The following ZNF619 variants were observed in gnomAD, a reference collection of about 807,000 sequenced individuals.
ZNF619 encodes zinc finger protein 619.
Under a neutral mutation model 14.2 loss-of-function variants are expected in ZNF619, and 9 were observed. That is an observed-to-expected ratio of 0.64 (90% CI 0.38 to 1.11). The LOEUF (loss-of-function observed/expected upper bound fraction) is 1.11, where lower values mean the gene tolerates loss of function less well. Among genes scored for constraint, ZNF619 ranks in the 50% least tolerant of loss-of-function variants. The pLI, the probability that ZNF619 is intolerant of heterozygous loss-of-function variation, is 0.01. For synonymous variants in ZNF619, 246 were observed against 252.8 expected (o/e 0.97, Z 0.26); for missense variants, 659 against 680.1 (o/e 0.97, Z 0.34).
At chr3:40,483,917 T>C (rs13318770) in intron 4 of ZNF619, among the ~76,000 whole-genome samples, 52,979 of 151,920 alleles carry the variant, frequency 0.35, 9,387 homozygotes, top group East Asian at 0.47. Context: ...TGTGAGCTAC[T>C]GCACTTGGCC....
rs1461701118 is a variant in ZNF619, at chr3:40,487,601, G to T, written c.1091G>T (p.Arg364Ile). The part of the protein sequence containing the change: ...SSNSVLIQHQ[R>I]IHTGEKPYEC... ...AATTCAGTTCTGATTCAGCATCAGA[G>T]AATCCACACTGGGGAGAAACCTTAT... The change falls in exon 5 of 5, where the codon AGA becomes ATA. Residue 364 changes from arginine to isoleucine, a missense_variant. Physicochemically the swap from Arg to Ile is moderately conservative, Grantham distance 97. Coordinates refer to ENST00000432264, the MANE Select transcript of ZNF619 (RefSeq NM_001145093.4). 6.2e-7 allele frequency: 1 copy of T among 1,614,170 alleles called. No homozygotes were observed. Among genetic ancestry groups the T allele is most frequent in the South Asian group, 1.1e-5 (1 of 91,080 alleles).
chr3:40,485,566 G>C (rs1399691226), intron 4 of ZNF619, among the ~76,000 whole-genome samples: 1 of 152,160 alleles, frequency 6.6e-6, no homozygotes, highest in East Asian at 1.9e-4. Flanking sequence ...GCCTCCCAAA[G>C]TGCTGGGATT....
intron 2 of ZNF619, 41 bp downstream of exon 2, chr3:40,478,044 A>G: frequency 6.5e-7 from 1 of 1,542,180 alleles, no homozygotes; most frequent in Non-Finnish European, 8.8e-7. Context: ...CTCAGAACAG[A>G]TATGGAAGGT....
intron 3 of ZNF619, 195 bp downstream of exon 3, chr3:40,482,211 T>C: frequency 6.4e-7 from 1 of 1,550,388 alleles, no homozygotes; most frequent in South Asian, 1.2e-5. Context: ...ACTTTTCTCT[T>C]CCCTGGTTCC....
chr3:40,481,709 A>G (rs1362678737), intron 2 of ZNF619, among the ~76,000 whole-genome samples, 154 bp from the exon 3 acceptor site: 1 of 152,240 alleles, frequency 6.6e-6, no homozygotes, highest in Non-Finnish European at 1.5e-5. Context: ...AGGTATGCAC[A>G]TGGAAAGTTG....
chr3:40,487,885 A>T lies in ZNF619; in HGVS notation c.1375A>T (p.Lys459Ter), dbSNP rs772752270. 2 of 1,614,084 alleles carry T rather than the reference A, an allele frequency of 1.2e-6. No individual in the cohort carries two copies. The highest frequency in any genetic ancestry group is 4.5e-5 in the East Asian group (2 of 44,896). ...VHTGEKPYEC[K>*]ECGKAFRWNA... ...CACTGGGGAGAAACCTTATGAGTGT[A>T]AGGAGTGCGGGAAAGCCTTCAGATG... The change falls in exon 5 of 5, where the codon AAG (lysine) becomes TAG (stop). Residue 459 changes from lysine (K) to a stop codon, truncating the protein, a stop_gained. Coordinates refer to ENST00000432264, the MANE Select transcript of ZNF619 (RefSeq NM_001145093.4). LOFTEE classifies it low-confidence loss of function (END_TRUNC).
intron 2 of ZNF619, 55 bp from the exon 3 acceptor site, chr3:40,481,808 C>A (rs1697402596): frequency 1.3e-6 from 2 of 1,557,316 alleles, no homozygotes; most frequent in South Asian, 1.2e-5. Flanking sequence ...GCCATGGATT[C>A]CAGTAAATTT....
At chr3:40,482,786 C>T (rs1697450626) in intron 4 of ZNF619, 82 bp downstream of exon 4, 2 of 1,067,016 alleles carry the variant, frequency 1.9e-6, no homozygotes, top group Non-Finnish European at 2.7e-6. Context: ...AAGGTTTTTC[C>T]TTGTCATATG....
chr3:40,485,580 G>C (rs1245485120), intron 4 of ZNF619, among the ~76,000 whole-genome samples: 3 of 152,144 alleles, frequency 2.0e-5, no homozygotes, highest in Non-Finnish European at 1.5e-5. Flanking sequence ...TGGGATTACA[G>C]GCATGAGCCA....
At chr3:40,483,504 T>A in intron 4 of ZNF619, 1 of 371,528 alleles carries the variant, frequency 2.7e-6, no homozygotes, top group Non-Finnish European at 5.3e-6. Context: ...CTGGCCAGGC[T>A]GGTCTCGAAC....
chr3:40,486,953 T>C lies in ZNF619; in HGVS notation c.443T>C (p.Leu148Pro), dbSNP rs1015220941. ...DFKDRLEKSQ[L>P]HDTGNKTKIG... Reference sequence around the variant, plus strand: ...AAGGACAGGTTAGAGAAGTCACAGCTACATGATACAGGGAATAAAACAAAG... The same window carrying C: ...AAGGACAGGTTAGAGAAGTCACAGCCACATGATACAGGGAATAAAACAAAG... Residue 148 changes from leucine (L) to proline (P), a missense_variant, in exon 5 of 5, where the codon CTA becomes CCA. Transcript: ENST00000432264. 1.2e-6 allele frequency: 2 copies of C among 1,614,178 alleles called. No individual in the cohort carries two copies. The highest frequency in any genetic ancestry group is 1.7e-5 in the Admixed American group (1 of 60,018).
chr3:40,481,756 T>C, intron 2 of ZNF619, 107 bp from the exon 3 acceptor site: 4 of 1,445,434 alleles, frequency 2.8e-6, no homozygotes, highest in Non-Finnish European at 1.9e-6. Flanking sequence ...TGGGGTCCTG[T>C]GTGGCTCTCC....
At chr3:40,482,787 T>G in intron 4 of ZNF619, 83 bp downstream of exon 4, 2 of 1,048,694 alleles carry the variant, frequency 1.9e-6, no homozygotes, top group Non-Finnish European at 2.8e-6. Context: ...AGGTTTTTCC[T>G]TGTCATATGA....
chr3:40,482,344 C>T (rs1697431415), intron 3 of ZNF619: 1 of 1,555,884 alleles, frequency 6.4e-7, no homozygotes, highest in South Asian at 1.2e-5. Context: ...GCCCTATTGC[C>T]TATGTGTGAG....
chr3:40,488,243 C>T lies in ZNF619; in HGVS notation c.*2C>T, dbSNP rs1220985974. The T allele has an allele frequency of 2.8e-6, 4 of 1,441,732 alleles. No homozygotes were observed. The African/African-American group carries it at 4.2e-5, about 15-fold the overall frequency. The allele number at this position is 1,441,732 out of a possible 1,614,324, so 89.3% of individuals were successfully genotyped here. On this transcript the variant is annotated 3_prime_UTR_variant, in exon 5 of 5. Transcript: ENST00000432264. ...AATCCTTTGTCTCACTCCCTGTAAG[C>T]CCCGTCACGTTCTCAAAATCCTTTG...
chr3:40,483,252 C>G (rs1575267117), intron 4 of ZNF619, among the ~76,000 whole-genome samples: 2 of 151,560 alleles, frequency 1.3e-5, no homozygotes, highest in African/African-American at 4.8e-5. Flanking sequence ...GGTTCGTCAG[C>G]TCAGGAATAT....
chr3:40,487,486 A>G lies in ZNF619; in HGVS notation c.976A>G (p.Ser326Gly). The G allele has an allele frequency of 1.9e-6, 3 of 1,614,180 alleles. 1 individual carries two copies. Among genetic ancestry groups the G allele is most frequent in the Non-Finnish European group, 2.5e-6 (3 of 1,180,008 alleles). ...FKCKECGKAF[S>G]CSYDCIIHER... Reference sequence around the variant, plus strand: ...ATGTAAGGAATGTGGGAAAGCCTTCAGTTGTAGCTATGACTGCATCATCCA... The same window carrying G: ...ATGTAAGGAATGTGGGAAAGCCTTCGGTTGTAGCTATGACTGCATCATCCA... Residue 326 changes from serine to glycine, a missense_variant, in exon 5 of 5, where the codon AGT becomes GGT. Ser to Gly is a moderately conservative substitution (Grantham distance 56). Coordinates refer to ENST00000432264, the MANE Select transcript of ZNF619 (RefSeq NM_001145093.4).
At position 40,487,527 on chromosome 3, in the gene ZNF619, T is replaced by G; in HGVS notation, c.1017T>G (p.Asn339Lys). The change falls in exon 5 of 5, where the codon AAT (asparagine) becomes AAG (lysine). Residue 339 changes from asparagine to lysine, a missense_variant. Asn to Lys is a moderately conservative substitution (Grantham distance 94). Transcript: ENST00000432264. Reference sequence around the variant, plus strand: ...GCATCATCCATGAACGAATTCACAATGGGGAGAAGCCCTATGAATGTAAGG... The same window carrying G: ...GCATCATCCATGAACGAATTCACAAGGGGGAGAAGCCCTATGAATGTAAGG... ...YDCIIHERIHNGEKPYECKEC... is the reference protein window; with the variant it reads ...YDCIIHERIHKGEKPYECKEC... The G allele has an allele frequency of 6.2e-7, 1 of 1,614,190 alleles. No homozygotes were observed. Among genetic ancestry groups the G allele is most frequent in the Non-Finnish European group, 8.5e-7 (1 of 1,180,036 alleles).
At chr3:40,486,776 G>A (rs1291809046) in intron 4 of ZNF619, 30 bp from the exon 5 acceptor site, 1 of 1,519,026 alleles carries the variant, frequency 6.6e-7, no homozygotes, top group Non-Finnish European at 8.9e-7. Context: ...ATAAATAAGG[G>A]ACTTTTATGT....
Sources: gnomAD v4.1 joint callset for allele counts (sites outside exome capture counted in the v4.1 genomes callset) on GRCh38, gnomAD v4.1.1 for gene constraint, MANE v1.5 for transcripts, NCBI Gene and HGNC (gene_info 2026-07-23, HGNC 2026-07-21) for gene names.